The following PCDH7 variants were observed in gnomAD, a reference collection of about 807,000 sequenced individuals.
PCDH7 encodes the protein protocadherin 7.
In PCDH7, 17 loss-of-function variants were observed where a neutral mutation model predicts 58.9. The ratio of observed to expected loss-of-function variants is 0.29; its 90% CI spans 0.20 to 0.43. The LOEUF is 0.43. Among genes scored for constraint, PCDH7 ranks in the 20% least tolerant of loss-of-function variants. The probability of loss-of-function intolerance (pLI) is 1.00; values close to 1 mark genes in which losing one functional copy is unlikely to be tolerated. For missense variants in PCDH7, 1,274 were observed against 1,441.0 expected (o/e 0.88, Z 1.88); for synonymous variants, 664 against 616.4 (o/e 1.08, Z -1.14).
At chr4:30,787,239 CT>C (rs1430946859) in intron 1 of PCDH7, among the ~76,000 whole-genome samples, 1 of 151,924 alleles carries the variant, frequency 6.6e-6, no homozygotes, top group Non-Finnish European at 1.5e-5. Flanking sequence ...TTTCATTTGC[CT>C]TGTTTGAACT....
chr4:30,913,634 G>A lies in PCDH7; in HGVS notation c.71-6519G>A, dbSNP rs189855256. On this transcript the variant is annotated intron_variant, in intron 1 of 3. Transcript: ENST00000509759. Reference sequence around the variant, plus strand: ...ATCAATCATAGAGATGCAATTTTACGAAAGGGAATAATGAATCAAATGCTC... The same window carrying A: ...ATCAATCATAGAGATGCAATTTTACAAAAGGGAATAATGAATCAAATGCTC... 6.3e-4 allele frequency among the ~76,000 whole-genome samples: 96 copies of A among 152,198 alleles called. No homozygotes were observed. The East Asian group carries it at 0.014, about 22-fold the overall frequency.
intron 3 of PCDH7, among the ~76,000 whole-genome samples, chr4:31,066,324 TTATAA>T (rs1201287386): frequency 6.6e-6 from 1 of 151,958 alleles, no homozygotes; most frequent in Non-Finnish European, 1.5e-5. Flanking sequence ...ATGAGGAGTC[TTATAA>T]TGTAATAATA....
intron 3 of PCDH7, among the ~76,000 whole-genome samples, chr4:31,077,959 GA>G (rs1358706049): frequency 6.6e-6 from 1 of 152,104 alleles, no homozygotes; most frequent in Non-Finnish European, 1.5e-5. Context: ...TCTGATCCCA[GA>G]ATTTACTGGG....
Position 31,024,189 on chromosome 4 carries a change from G to A in PCDH7, c.*7+73974G>A, listed in dbSNP as rs181361805. ...GTGGAGAATAATATTTGAAAAATATGCGCTTTTTTCAGAGCACTCAACTAA... is the reference window on the plus strand; with the variant it reads ...GTGGAGAATAATATTTGAAAAATATACGCTTTTTTCAGAGCACTCAACTAA... On this transcript the variant is annotated intron_variant, in intron 3 of 3. Coordinates refer to the PCDH7 transcript ENST00000509759. Among the ~76,000 whole-genome samples the A allele has an allele frequency of 1.6e-3, 248 of 152,288 alleles. 2 individuals carry two copies. The highest frequency in any genetic ancestry group is 5.7e-3 in the African/African-American group (235 of 41,562).
intron 3 of PCDH7, among the ~76,000 whole-genome samples, chr4:30,990,442 C>G (rs1459670768): frequency 1.3e-5 from 2 of 152,010 alleles, no homozygotes; most frequent in African/African-American, 2.4e-5. Flanking sequence ...CCTGTAAATT[C>G]CATGTGTGAT....
At chr4:31,080,015 T>A (rs1176703038) in intron 3 of PCDH7, among the ~76,000 whole-genome samples, 2 of 152,174 alleles carry the variant, frequency 1.3e-5, no homozygotes, top group African/African-American at 2.4e-5. Context: ...ACTTACATAA[T>A]TAACCTTCTG....
chr4:30,964,177 A>G (rs879788772), intron 3 of PCDH7, among the ~76,000 whole-genome samples: 4 of 151,960 alleles, frequency 2.6e-5, no homozygotes, highest in Non-Finnish European at 4.4e-5. Flanking sequence ...TTAGTTTGCT[A>G]TAGGGGAAGT....
chr4:30,795,668 C>T, intron 1 of PCDH7, among the ~76,000 whole-genome samples: 1 of 152,184 alleles, frequency 6.6e-6, no homozygotes, highest in East Asian at 1.9e-4. Flanking sequence ...ACCCTAATTT[C>T]CCTAAATGTT....
chr4:31,087,324 G>A (rs1338508809), intron 3 of PCDH7, among the ~76,000 whole-genome samples: 2 of 152,068 alleles, frequency 1.3e-5, no homozygotes, highest in African/African-American at 4.8e-5. Flanking sequence ...AAAGATAATA[G>A]AATGATGGCT....
At chr4:30,993,221 C>T (rs145132317) in intron 3 of PCDH7, among the ~76,000 whole-genome samples, 37 of 152,322 alleles carry the variant, frequency 2.4e-4, no homozygotes, top group Middle Eastern at 3.4e-3. Flanking sequence ...TATATGCCTA[C>T]CTATGGCTCT....
At chr4:30,923,536 T>C (rs1223858115) in intron 2 of PCDH7, among the ~76,000 whole-genome samples, 2 of 152,180 alleles carry the variant, frequency 1.3e-5, no homozygotes, top group Non-Finnish European at 2.9e-5. Context: ...TTTTATTCTC[T>C]TATTAGCTAA....
At chr4:30,929,407 T>A (rs754392571) in intron 2 of PCDH7, among the ~76,000 whole-genome samples, 1 of 152,176 alleles carries the variant, frequency 6.6e-6, no homozygotes, top group Non-Finnish European at 1.5e-5. Context: ...GCAGGTAGAT[T>A]TTTTGGCATT....
rs201147998 is a variant in PCDH7 at position 30,858,746 on chromosome 4, G to A, written c.71-61407G>A. 3.9e-5 allele frequency among the ~76,000 whole-genome samples: 6 copies of A among 152,148 alleles called. No homozygotes were observed. In the East Asian group the frequency reaches 7.7e-4, roughly 20 times the overall value. ...TTACTGATTTCCTACCATTGGGTTA[G>A]CATCCCTTGAGCATTTAGTTCTTCA... is the stretch of plus-strand genomic sequence containing the variant. On this transcript the variant is annotated intron_variant, in intron 1 of 3. Transcript: ENST00000509759.
rs1560302155 is a variant in PCDH7, at chr4:30,724,466, G to GA, written c.3051dup (p.His1018ThrfsTer29). The GA allele has an allele frequency of 1.2e-6, 2 of 1,613,856 alleles. No homozygotes were observed. Among genetic ancestry groups the GA allele is most frequent in the South Asian group, 1.1e-5 (1 of 91,062 alleles). On this transcript the variant is annotated frameshift_variant, in exon 1 of 2. Coordinates refer to ENST00000361762, the Ensembl canonical transcript of PCDH7. LOFTEE classifies it high-confidence loss of function. ...CTTCATCCCCAGTCACCAACTGCAG[G>GA]AAAAAAACACCAGGCCGTACAAGAT... is the stretch of plus-strand genomic sequence containing the variant.
At chr4:30,982,501 C>T (rs1186133383) in intron 3 of PCDH7, among the ~76,000 whole-genome samples, 1 of 152,192 alleles carries the variant, frequency 6.6e-6, no homozygotes, top group African/African-American at 2.4e-5. Context: ...AATTGTGGTA[C>T]CATCCAAGCA....
At chr4:30,724,421 C>T in exon 1 of PCDH7, 1 of 1,613,930 alleles carries the variant, frequency 6.2e-7, no homozygotes, top group African/African-American at 1.3e-5. Flanking sequence ...AAATCTAGTT[C>T]CCCATTGCCT....
At chr4:30,808,092 A>G (rs991968895) in intron 1 of PCDH7, among the ~76,000 whole-genome samples, 1 of 152,212 alleles carries the variant, frequency 6.6e-6, no homozygotes, top group African/African-American at 2.4e-5. Flanking sequence ...CCAAACATGT[A>G]CTAAGGTTGT....
chr4:30,813,325 C>T, intron 1 of PCDH7, among the ~76,000 whole-genome samples: 1 of 152,114 alleles, frequency 6.6e-6, no homozygotes, highest in Admixed American at 6.6e-5. Flanking sequence ...GTGAACTGTT[C>T]CTTTTGGTAT....
intron 3 of PCDH7, among the ~76,000 whole-genome samples, chr4:31,057,708 G>T (rs950648218): frequency 2.0e-5 from 3 of 152,020 alleles, no homozygotes; most frequent in African/African-American, 7.2e-5. Flanking sequence ...AAAATTTATT[G>T]CTCATTACTA....
Sources: allele counts gnomAD v4.1 joint callset (sites outside exome capture counted in the v4.1 genomes callset), GRCh38; gene constraint gnomAD v4.1.1; transcripts MANE v1.5; gene names NCBI Gene and HGNC (gene_info 2026-07-23, HGNC 2026-07-21).